The following STK39 variants were observed in gnomAD, a reference collection of about 807,000 sequenced individuals.
STK39 encodes STE20/SPS1-related proline-alanine-rich protein kinase.
In STK39, 20 loss-of-function variants were observed where a neutral mutation model predicts 77.8. That is an observed-to-expected ratio of 0.26 (90% CI 0.18 to 0.37). The LOEUF (loss-of-function observed/expected upper bound fraction) is 0.37. STK39 is among the 10% of genes least tolerant of loss of function. STK39 has a pLI of 1.00. For synonymous variants in STK39, 246 were observed against 234.1 expected (o/e 1.05, Z -0.47); for missense variants, 479 against 656.5 (o/e 0.73, Z 2.95).
At chr2:168,020,051 T>C (rs934322219) in intron 14 of STK39, among the ~76,000 whole-genome samples, 5 of 152,170 alleles carry the variant, frequency 3.3e-5, no homozygotes, top group African/African-American at 1.2e-4. Flanking sequence ...ATTTACATAG[T>C]GCTTTCATAT....
intron 1 of STK39, among the ~76,000 whole-genome samples, chr2:168,205,271 T>C (rs922235078): frequency 3.9e-5 from 6 of 152,286 alleles, no homozygotes; most frequent in Admixed American, 3.9e-4. Context: ...TTATAAAACA[T>C]TATGTACAAC....
chr2:167,957,007 CTATACTGTTTTTT>C (rs1691803811), intron 17 of STK39, among the ~76,000 whole-genome samples: 1 of 151,346 alleles, frequency 6.6e-6, no homozygotes, highest in African/African-American at 2.5e-5. Flanking sequence ...AGAATATGTA[CTATACTGTTTTTT>C]GAACTGTACT....
At chr2:168,057,482 C>T (rs1348140857) in intron 14 of STK39, among the ~76,000 whole-genome samples, 2 of 152,150 alleles carry the variant, frequency 1.3e-5, no homozygotes, top group African/African-American at 4.8e-5. Flanking sequence ...CGTGAGCCAC[C>T]GCGCCTGGCC....
At chr2:168,002,980 A>T (rs1426142074) in intron 16 of STK39, among the ~76,000 whole-genome samples, 1 of 152,062 alleles carries the variant, frequency 6.6e-6, no homozygotes, top group Admixed American at 6.6e-5. Flanking sequence ...GAATATCTTT[A>T]TTTATTTATT....
intron 10 of STK39, among the ~76,000 whole-genome samples, chr2:168,116,939 A>G (rs575282695): frequency 2.2e-4 from 34 of 152,346 alleles, no homozygotes; most frequent in African/African-American, 8.2e-4. Context: ...TATTTTTGGA[A>G]TATCTTCCTA....
At chr2:168,117,135 G>A (rs112171129) in intron 10 of STK39, among the ~76,000 whole-genome samples, 1 of 152,172 alleles carries the variant, frequency 6.6e-6, no homozygotes, top group African/African-American at 2.4e-5. Flanking sequence ...TGTGGCAAAG[G>A]TGAATCAAGT....
chr2:168,201,370 C>G (rs17797694), intron 1 of STK39, among the ~76,000 whole-genome samples: 33,870 of 152,192 alleles, frequency 0.22, 4,785 homozygotes, highest in Non-Finnish European at 0.33. Flanking sequence ...CACGCAGACC[C>G]AGCATAGAGA....
chr2:168,181,848 G>C (rs952000720), intron 2 of STK39, 130 bp downstream of exon 2: 4 of 681,626 alleles, frequency 5.9e-6, no homozygotes, highest in Non-Finnish European at 1.0e-5. Context: ...AGCAGGAAGT[G>C]GTAGGGGCTG....
At chr2:168,043,834 T>C (rs1574416304) in intron 14 of STK39, among the ~76,000 whole-genome samples, 2 of 152,234 alleles carry the variant, frequency 1.3e-5, no homozygotes, top group Admixed American at 1.3e-4. Flanking sequence ...TTAATTTCCA[T>C]TTTTTATTTG....
intron 16 of STK39, among the ~76,000 whole-genome samples, chr2:167,984,538 G>A (rs980314983): frequency 6.6e-6 from 1 of 152,192 alleles, no homozygotes; most frequent in Admixed American, 6.5e-5. Flanking sequence ...GATGCTGGTA[G>A]AGGCCAATCA....
At chr2:168,054,483 G>C (rs1173827294) in intron 14 of STK39, among the ~76,000 whole-genome samples, 1 of 152,142 alleles carries the variant, frequency 6.6e-6, no homozygotes, top group Non-Finnish European at 1.5e-5. Context: ...TCTTTTTGAA[G>C]GATACCACTA....
intron 1 of STK39, among the ~76,000 whole-genome samples, chr2:168,235,991 A>C (rs1173241217): frequency 3.3e-5 from 5 of 152,004 alleles, no homozygotes; most frequent in Non-Finnish European, 7.4e-5. Context: ...GGCTGGGTCA[A>C]ATGGTATTTC....
intron 10 of STK39, among the ~76,000 whole-genome samples, chr2:168,108,672 T>C (rs1687044627): frequency 6.6e-6 from 1 of 152,202 alleles, no homozygotes; most frequent in East Asian, 1.9e-4. Context: ...GCCTCTTGTT[T>C]GGTCTGTCAT....
intron 5 of STK39, among the ~76,000 whole-genome samples, chr2:168,149,128 G>C (rs1688215803): frequency 6.6e-6 from 1 of 152,184 alleles, no homozygotes; most frequent in Non-Finnish European, 1.5e-5. Flanking sequence ...AATGGCATAT[G>C]GTTCTTTTTC....
rs188947720 is a variant in STK39 at position 168,129,921 on chromosome 2, C to T, written c.975-163G>A. 2.0e-4 allele frequency among the ~76,000 whole-genome samples: 31 copies of T among 152,222 alleles called. No individual in the cohort carries two copies. In the East Asian group the frequency reaches 5.6e-3, roughly 27 times the overall value. ...TAGGCTGGCACCAAATAAAATAGTG[C>T]CAATTTTCCAGTTCTTTCCAAATAC... On this transcript the variant is annotated intron_variant, in intron 8 of 17. Transcript: ENST00000355999.
chr2:168,035,429 C>G (rs185897744), intron 14 of STK39, among the ~76,000 whole-genome samples: 1 of 152,142 alleles, frequency 6.6e-6, no homozygotes, highest in Non-Finnish European at 1.5e-5. Flanking sequence ...CCTTCCCTTT[C>G]TCTAACAAAA....
chr2:168,077,412 GC>G (rs1686108499), intron 10 of STK39, among the ~76,000 whole-genome samples: 1 of 151,812 alleles, frequency 6.6e-6, no homozygotes, highest in South Asian at 2.1e-4. Context: ...TTATTTTAGA[GC>G]CCTGGCTCTC....
chr2:168,165,292 T>C (rs1435419827), intron 3 of STK39, among the ~76,000 whole-genome samples: 12 of 152,110 alleles, frequency 7.9e-5, no homozygotes, highest in Admixed American at 7.9e-4. Flanking sequence ...AGAGGCTAAA[T>C]TGGACTCAAA....
At chr2:168,046,030 C>T (rs185014606) in intron 14 of STK39, among the ~76,000 whole-genome samples, 25 of 152,254 alleles carry the variant, frequency 1.6e-4, no homozygotes, top group Admixed American at 7.2e-4. Flanking sequence ...AGGGAGCAGA[C>T]ATATCGATCA....
Sources: gnomAD v4.1 joint callset for allele counts (sites outside exome capture counted in the v4.1 genomes callset) on GRCh38, gnomAD v4.1.1 for gene constraint, MANE v1.5 for transcripts, NCBI Gene and HGNC (gene_info 2026-07-23, HGNC 2026-07-21) for gene names.